Variants in ROBO1 observed in about 807,000 individuals in gnomAD.
The protein encoded by ROBO1 is roundabout guidance receptor 1.
A neutral mutation model predicts 195.9 loss-of-function variants in ROBO1; 149 were observed. That is an observed-to-expected ratio of 0.76 (90% CI 0.67 to 0.87). The LOEUF is 0.87. ROBO1 is among the 40% of genes least tolerant of loss of function. The pLI is 0.00. For synonymous variants in ROBO1, 816 were observed against 733.2 expected (o/e 1.11, Z -1.82); for missense variants, 1,933 against 2,068.3 (o/e 0.93, Z 1.27).
chr3:79,028,725 C>G (rs1052582992), intron 3 of ROBO1, among the ~76,000 whole-genome samples: 2 of 151,926 alleles, frequency 1.3e-5, no homozygotes, highest in African/African-American at 2.4e-5. Flanking sequence ...TCACAGATAA[C>G]TATGAAAAAC....
At chr3:79,365,337 C>A (rs1221278798) in intron 2 of ROBO1, among the ~76,000 whole-genome samples, 1 of 152,118 alleles carries the variant, frequency 6.6e-6, no homozygotes, top group Admixed American at 6.6e-5. Flanking sequence ...CCAATTCACA[C>A]GTATACTAAC....
chr3:78,827,304 C>T (rs1392973743), intron 4 of ROBO1, among the ~76,000 whole-genome samples: 1 of 152,060 alleles, frequency 6.6e-6, no homozygotes, highest in Non-Finnish European at 1.5e-5. Flanking sequence ...ATCTGTTTTT[C>T]ATTTGAAAAC....
At chr3:79,689,351 C>G (rs1208499936) in intron 1 of ROBO1, among the ~76,000 whole-genome samples, 1 of 151,900 alleles carries the variant, frequency 6.6e-6, no homozygotes, top group Non-Finnish European at 1.5e-5. Flanking sequence ...GGCTTTGGAA[C>G]CTTAGAAACA....
chr3:79,323,256 A>AT (rs2034066899), intron 2 of ROBO1, among the ~76,000 whole-genome samples: 1 of 151,830 alleles, frequency 6.6e-6, no homozygotes, highest in South Asian at 2.1e-4. Context: ...TAATTTTTGT[A>AT]TTTTTAGTAG....
intron 8 of ROBO1, 154 bp from the exon 9 acceptor site, chr3:78,688,926 TA>T (rs1164355905): frequency 1.3e-6 from 1 of 741,044 alleles, no homozygotes; most frequent in African/African-American, 1.8e-5. Flanking sequence ...AATTTGAAAC[TA>T]AAATGTTAAG....
chr3:79,076,048 A>C (rs1204520337), intron 3 of ROBO1, among the ~76,000 whole-genome samples: 1 of 151,254 alleles, frequency 6.6e-6, no homozygotes, highest in African/African-American at 2.4e-5. Flanking sequence ...AAGTAATATA[A>C]TCCCTTTATG....
At chr3:79,417,752 C>G (rs1310635246) in intron 2 of ROBO1, among the ~76,000 whole-genome samples, 1 of 152,080 alleles carries the variant, frequency 6.6e-6, no homozygotes, top group Admixed American at 6.6e-5. Context: ...TGGGGGACAC[C>G]AATTTGCACA....
intron 1 of ROBO1, among the ~76,000 whole-genome samples, chr3:79,670,686 C>G (rs187251871): frequency 6.6e-6 from 1 of 151,692 alleles, no homozygotes; most frequent in Admixed American, 6.6e-5. Context: ...TCTATTAAGA[C>G]GTAAGAAGCA....
At chr3:79,363,886 C>A (rs898815647) in intron 2 of ROBO1, among the ~76,000 whole-genome samples, 1 of 152,028 alleles carries the variant, frequency 6.6e-6, no homozygotes, top group Non-Finnish European at 1.5e-5. Context: ...TTCCAAGAAG[C>A]AATTTTCACC....
chr3:78,853,442 T>C (rs2034200258), intron 4 of ROBO1, among the ~76,000 whole-genome samples: 1 of 127,080 alleles, frequency 7.9e-6, no homozygotes, highest in African/African-American at 3.0e-5. Flanking sequence ...TTGTATTTCA[T>C]ATATAGTATG....
intron 2 of ROBO1, among the ~76,000 whole-genome samples, chr3:79,522,860 T>G (rs903031030): frequency 3.9e-5 from 6 of 152,170 alleles, no homozygotes; most frequent in Non-Finnish European, 8.8e-5. Flanking sequence ...AGTATTCAAC[T>G]CCACTCATTG....
chr3:78,974,846 C>A (rs1394678527), intron 3 of ROBO1, among the ~76,000 whole-genome samples: 1 of 151,916 alleles, frequency 6.6e-6, no homozygotes, highest in Non-Finnish European at 1.5e-5. Flanking sequence ...ATATTGTACC[C>A]CAAATTTAAA....
chr3:79,569,186 A>G (rs1055593029), intron 2 of ROBO1, among the ~76,000 whole-genome samples: 1 of 152,202 alleles, frequency 6.6e-6, no homozygotes, highest in Non-Finnish European at 1.5e-5. Flanking sequence ...CTTTAAAGGT[A>G]TTGATTTCTC....
At chr3:79,433,462 C>T (rs1307663685) in intron 2 of ROBO1, among the ~76,000 whole-genome samples, 1 of 151,984 alleles carries the variant, frequency 6.6e-6, no homozygotes, top group Non-Finnish European at 1.5e-5. Context: ...GTGATTATAG[C>T]TCACATCCTC....
chr3:79,520,171 A>AG (rs1941148715), intron 2 of ROBO1, among the ~76,000 whole-genome samples: 4 of 151,566 alleles, frequency 2.6e-5, no homozygotes, highest in African/African-American at 9.7e-5. Flanking sequence ...AAAAAAAAAA[A>AG]AAGAGAGAGA....
intron 5 of ROBO1, among the ~76,000 whole-genome samples, chr3:78,719,396 CA>C (rs879565871): frequency 2.0e-4 from 31 of 151,390 alleles, no homozygotes; most frequent in South Asian, 6.3e-4. Flanking sequence ...AAACGTCACA[CA>C]AAAAAAACAC....
chr3:78,824,717 T>C (rs188583066), intron 4 of ROBO1, among the ~76,000 whole-genome samples: 169 of 152,302 alleles, frequency 1.1e-3, no homozygotes, highest in Middle Eastern at 3.4e-3. Flanking sequence ...ATCCACTTAA[T>C]AGGGATAATA....
chr3:79,302,835 T>G (rs1033008471), intron 2 of ROBO1, among the ~76,000 whole-genome samples: 1 of 152,092 alleles, frequency 6.6e-6, no homozygotes, highest in Non-Finnish European at 1.5e-5. Flanking sequence ...ACTTGGAAAT[T>G]TAGTACAGTT....
intron 4 of ROBO1, among the ~76,000 whole-genome samples, chr3:78,872,065 C>T (rs1397289812): frequency 2.0e-5 from 3 of 152,086 alleles, no homozygotes. Context: ...TCTCTCTGGG[C>T]CTTATTTTAT....
Sources: allele counts gnomAD v4.1 joint callset (sites outside exome capture counted in the v4.1 genomes callset), GRCh38; gene constraint gnomAD v4.1.1; transcripts MANE v1.5; gene names NCBI Gene and HGNC (gene_info 2026-07-23, HGNC 2026-07-21).